The following TIMELESS variants were observed in gnomAD, a reference collection of about 807,000 sequenced individuals.
TIMELESS encodes the protein protein timeless homolog.
Under a neutral mutation model 164.3 loss-of-function variants are expected in TIMELESS, and 124 were observed. The ratio of observed to expected loss-of-function variants is 0.75; its 90% CI spans 0.65 to 0.88. The LOEUF (loss-of-function observed/expected upper bound fraction) is 0.88, where lower values mean the gene tolerates loss of function less well. TIMELESS is among the 40% of genes least tolerant of loss of function. TIMELESS has a pLI of 0.00. For missense variants in TIMELESS, 1,422 were observed against 1,491.4 expected (o/e 0.95, Z 0.77); for synonymous variants, 564 against 563.4 (o/e 1.00, Z -0.02).
intron 7 of TIMELESS, 28 bp downstream of exon 7, chr12:56,432,341 G>A (rs1442668683): frequency 6.3e-7 from 1 of 1,599,422 alleles, no homozygotes; most frequent in Non-Finnish European, 8.6e-7. Context: ...TGGGCGGAGG[G>A]GACTCGGGCA....
At chr12:56,446,602 G>A (rs188072870) in intron 1 of TIMELESS, among the ~76,000 whole-genome samples, 17 of 152,106 alleles carry the variant, frequency 1.1e-4, no homozygotes, top group African/African-American at 3.9e-4. Context: ...TGGCTGAGGC[G>A]GATGGATCGC....
Position 56,443,902 on chromosome 12 carries a change from T to G in TIMELESS, c.-62+5408A>C, listed in dbSNP as rs903041787. Among the ~76,000 whole-genome samples the G allele has an allele frequency of 1.8e-4, 27 of 150,884 alleles. 2 individuals are homozygous for G. In the East Asian group the frequency reaches 4.3e-3, roughly 24 times the overall value. On this transcript the variant is annotated intron_variant, in intron 1 of 28. Transcript: ENST00000553532. ...CCAGCAAATCATTTCGGTATTCTTT[T>G]TTTTTTTTTTTTTTGAGACAGAGTC...
chr12:56,420,726 G>C (rs1881444619), intron 25 of TIMELESS, 39 bp from the exon 26 acceptor site: 1 of 1,613,432 alleles, frequency 6.2e-7, no homozygotes, highest in East Asian at 2.2e-5. Context: ...AAGATATAAG[G>C]GAAGAACTGG....
intron 1 of TIMELESS, among the ~76,000 whole-genome samples, chr12:56,434,630 G>A (rs944437140): frequency 6.6e-6 from 1 of 152,184 alleles, no homozygotes; most frequent in Non-Finnish European, 1.5e-5. Flanking sequence ...CCAGCTACTC[G>A]GAAGGCTGAG....
rs931357286 is a variant in TIMELESS, at chr12:56,416,733, T to C, written c.*983A>G. 1 of 151,726 alleles carries C rather than the reference T, an allele frequency of 6.6e-6. No homozygotes were observed. Among genetic ancestry groups the C allele is most frequent in the Non-Finnish European group, 1.5e-5 (1 of 68,022 alleles). 9.4% of individuals were successfully genotyped at this position (151,726 alleles called of 1,614,324 possible). On this transcript the variant is annotated 3_prime_UTR_variant, in exon 29 of 29. Coordinates refer to ENST00000553532, the MANE Select transcript of TIMELESS (RefSeq NM_003920.5). ...GAAGGTTGTTGGTCTTTTTTTTTTT[T>C]CTTTTTTTTTGAGACAGAGTCTTGC...
At chr12:56,438,234 G>A (rs1361643670) in intron 1 of TIMELESS, among the ~76,000 whole-genome samples, 1 of 152,026 alleles carries the variant, frequency 6.6e-6, no homozygotes, top group Middle Eastern at 3.2e-3. Flanking sequence ...TAGTAGAAAC[G>A]AGGTTTCTCC....
rs1204324635 is a variant in TIMELESS, at chr12:56,425,123, C to A, written c.1608G>T (p.Lys536Asn). 6 of 1,613,818 alleles carry A rather than the reference C, an allele frequency of 3.7e-6. No individual in the cohort carries two copies. Among genetic ancestry groups the A allele is most frequent in the Non-Finnish European group, 5.1e-6 (6 of 1,179,992 alleles). Residue 536 changes from lysine to asparagine, a missense_variant, in exon 14 of 29, where the codon AAG becomes AAT. Coordinates refer to ENST00000553532, the MANE Select transcript of TIMELESS (RefSeq NM_003920.5). ...QNKQKKRRKKKKKVLDQAIVS... is the reference protein window; with the variant it reads ...QNKQKKRRKKNKKVLDQAIVS... ...CAATGGCCTGGTCTAGGACCTTCTTCTTCTTCTTCCTTCTCTTCTTTTGTT... is the reference window on the plus strand; with the variant it reads ...CAATGGCCTGGTCTAGGACCTTCTTATTCTTCTTCCTTCTCTTCTTTTGTT...
At chr12:56,441,191 T>C (rs1868270008) in intron 1 of TIMELESS, among the ~76,000 whole-genome samples, 1 of 152,252 alleles carries the variant, frequency 6.6e-6, no homozygotes, top group African/African-American at 2.4e-5. Flanking sequence ...GTTATTTTTC[T>C]AGTAATTTTA....
In TIMELESS at chr12:56,438,824, A is replaced by C. The variant is rs556229200; in HGVS notation, c.-61-4593T>G. Among the ~76,000 whole-genome samples, 4 of 149,468 alleles carry C rather than the reference A, an allele frequency of 2.7e-5. No individual in the cohort carries two copies. The Admixed American group carries it at 2.7e-4, about 10-fold the overall frequency. ...AAAAAAAGGAATGGAATACTGACTG[A>C]TACATGCCATGAAGTAGATGAAACT... On this transcript the variant is annotated intron_variant, in intron 1 of 28. Transcript: ENST00000553532.
intron 26 of TIMELESS, among the ~76,000 whole-genome samples, chr12:56,420,048 A>ATGTGTGTG (rs1363649039): frequency 1.0e-4 from 9 of 87,318 alleles, no homozygotes; most frequent in African/African-American, 4.0e-4. Flanking sequence ...ATATATATAT[A>ATGTGTGTG]TGTGTGTGTG....
At chr12:56,420,048 A>ATATATATGTGTGTG (rs1473074484) in intron 26 of TIMELESS, among the ~76,000 whole-genome samples, 1 of 87,344 alleles carries the variant, frequency 1.1e-5, no homozygotes, top group African/African-American at 5.0e-5. Context: ...ATATATATAT[A>ATATATATGTGTGTG]TGTGTGTGTG....
chr12:56,421,300 C>T (rs766862260), intron 23 of TIMELESS, 51 bp downstream of exon 23: 2 of 1,597,466 alleles, frequency 1.3e-6, no homozygotes, highest in South Asian at 1.1e-5. Flanking sequence ...TCCTAAGGAC[C>T]ACTTCAAGGG....
chr12:56,417,490 G>A lies in TIMELESS; in HGVS notation c.*226C>T, dbSNP rs984273540. 2 of 527,756 alleles carry A rather than the reference G, an allele frequency of 3.8e-6. No individual in the cohort carries two copies. The highest frequency in any genetic ancestry group is 1.9e-5 in the African/African-American group (1 of 52,694). The allele number at this position is 527,756 out of a possible 1,614,324, so 32.7% of individuals were successfully genotyped here. ...CTAGAAGAAGAGAACTAAATCTCCA[G>A]AGAGCTGCTGGGGCATACCGATAAA... On this transcript the variant is annotated 3_prime_UTR_variant, in exon 29 of 29. Transcript: ENST00000553532.
At chr12:56,431,366 A>AAC in intron 8 of TIMELESS, 105 bp downstream of exon 8, 1 of 1,406,370 alleles carries the variant, frequency 7.1e-7, no homozygotes, top group Non-Finnish European at 9.5e-7. Context: ...AAAAAAAAAA[A>AAC]AAAAAACACT....
At chr12:56,425,733 G>C (rs1426960847) in intron 13 of TIMELESS, among the ~76,000 whole-genome samples, 2 of 152,004 alleles carry the variant, frequency 1.3e-5, no homozygotes, top group Non-Finnish European at 2.9e-5. Context: ...AAATTAGCCA[G>C]GCATGGTGGT....
chr12:56,428,137 T>G, intron 13 of TIMELESS, 99 bp downstream of exon 13: 1 of 1,236,094 alleles, frequency 8.1e-7, no homozygotes, highest in Non-Finnish European at 1.1e-6. Flanking sequence ...AGAGCACGTT[T>G]AACAGATGAA....
intron 1 of TIMELESS, 90 bp from the exon 2 acceptor site, chr12:56,434,321 T>C: frequency 1.6e-6 from 1 of 643,112 alleles, no homozygotes; most frequent in Non-Finnish European, 2.7e-6. Flanking sequence ...CAGAATATTC[T>C]GAACAAGATC....
Position 56,428,560 on chromosome 12 carries a change from C to G in TIMELESS, c.1397G>C (p.Arg466Pro). Reference sequence around the variant, plus strand: ...GGCCAGGGCCTCACTCTTGATGATGCGGCTGCTCTCCCTCACAGCCTCATC... The same window carrying G: ...GGCCAGGGCCTCACTCTTGATGATGGGGCTGCTCTCCCTCACAGCCTCATC... ...SPDEAVRESS[R>P]IIKNNIFYVM... is the part of the protein sequence containing the mutation. The change falls in exon 12 of 29, where the codon CGC (arginine) becomes CCC (proline). Residue 466 changes from arginine to proline, a missense_variant. Physicochemically the swap from Arg to Pro is moderately radical, Grantham distance 103. Transcript: ENST00000553532. 6.2e-7 allele frequency: 1 copy of G among 1,613,770 alleles called. No homozygotes were observed. Among genetic ancestry groups the G allele is most frequent in the Non-Finnish European group, 8.5e-7 (1 of 1,179,768 alleles).
chr12:56,423,385 C>T lies in TIMELESS; in HGVS notation c.2181G>A (p.Lys727=), dbSNP rs1448684144. The change falls in exon 18 of 29, where the codon AAG becomes AAA. Residue 727 remains lysine, a synonymous_variant. Coordinates refer to ENST00000553532, the MANE Select transcript of TIMELESS (RefSeq NM_003920.5). The part of the protein sequence containing the change: ...NSAHTNHCIV[K]MLHRLAHDLK... Reference sequence around the variant, plus strand: ...GGTCATGGGCCAGCCGGTGCAGCATCTTCACAATGCAATGGTTAGTGTGGG... The same window carrying T: ...GGTCATGGGCCAGCCGGTGCAGCATTTTCACAATGCAATGGTTAGTGTGGG... 1.9e-6 allele frequency: 3 copies of T among 1,614,040 alleles called. No individual in the cohort carries two copies. Among genetic ancestry groups the T allele is most frequent in the Non-Finnish European group, 2.5e-6 (3 of 1,180,034 alleles).
Sources: allele counts gnomAD v4.1 joint callset (sites outside exome capture counted in the v4.1 genomes callset), GRCh38; gene constraint gnomAD v4.1.1; transcripts MANE v1.5; gene names NCBI Gene and HGNC (gene_info 2026-07-23, HGNC 2026-07-21).